LNPK: variants seen among roughly 807,000 people sequenced by gnomAD.
LNPK encodes lunapark, ER junction formation factor.
In LNPK, 29 loss-of-function variants were observed where a neutral mutation model predicts 55.2. The ratio of observed to expected loss-of-function variants is 0.53; its 90% CI spans 0.39 to 0.72. LNPK has a LOEUF of 0.72. LNPK is among the 30% of genes least tolerant of loss of function. The pLI is 0.00. For missense variants in LNPK, 467 were observed against 494.8 expected, an observed-to-expected ratio of 0.94 and a Z score of 0.53; for synonymous variants, 162 against 168.2, an observed-to-expected ratio of 0.96 and a Z score of 0.29.
At chr2:175,984,128 A>G (rs1687300570) in intron 4 of LNPK, among the ~76,000 whole-genome samples, 1 of 152,064 alleles carries the variant, frequency 6.6e-6, no homozygotes, top group Non-Finnish European at 1.5e-5. Context: ...AGACAAGACA[A>G]TCTAAAGATT....
intron 11 of LNPK, 72 bp downstream of exon 11, chr2:175,938,241 T>C: frequency 1.1e-6 from 1 of 918,474 alleles, no homozygotes; most frequent in Admixed American, 2.0e-5. Context: ...AAAATGACAC[T>C]GCATAGAAAA....
chr2:176,001,325 G>A (rs1335625032), intron 1 of LNPK, among the ~76,000 whole-genome samples: 1 of 152,134 alleles, frequency 6.6e-6, no homozygotes, highest in Non-Finnish European at 1.5e-5. Context: ...GGAGGAAACA[G>A]TAGACACCGA....
At chr2:175,939,141 A>G (rs1489087263) in intron 10 of LNPK, among the ~76,000 whole-genome samples, 1 of 152,124 alleles carries the variant, frequency 6.6e-6, no homozygotes. Context: ...TTATTTTAAG[A>G]ATAATTGGAA....
At chr2:175,958,362 A>T (rs983582621) in intron 8 of LNPK, among the ~76,000 whole-genome samples, 4 of 152,226 alleles carry the variant, frequency 2.6e-5, no homozygotes, top group Non-Finnish European at 5.9e-5. Flanking sequence ...CGAAGCGTCC[A>T]CAGGAAGGAT....
intron 9 of LNPK, among the ~76,000 whole-genome samples, chr2:175,944,906 G>A (rs935431167): frequency 5.3e-5 from 8 of 151,842 alleles, no homozygotes; most frequent in African/African-American, 1.7e-4. Flanking sequence ...TCTAGACCAA[G>A]TTCTTAGTAT....
chr2:175,995,461 C>T lies in LNPK; in HGVS notation c.27+97G>A, dbSNP rs993157623. 6 of 810,130 alleles carry T rather than the reference C, an allele frequency of 7.4e-6. No homozygotes were observed. In the African/African-American group the frequency reaches 8.9e-5, roughly 12 times the overall value. The allele number at this position is 810,130 out of a possible 1,614,324, so 50.2% of individuals were successfully genotyped here. A position where few individuals can be genotyped will look rare whatever the true frequency, so the allele number is the denominator to read the frequency against. ...AAAAGTTAAGGAAAATAGCAAACTA[C>T]TATTCAAGGCTATAATCAAAGGAGA... is the stretch of plus-strand genomic sequence containing the variant. On this transcript the variant is annotated intron_variant, in intron 2 of 12. Transcript: ENST00000272748.
At chr2:175,966,340 A>G (rs1021062607) in intron 6 of LNPK, among the ~76,000 whole-genome samples, 1 of 152,232 alleles carries the variant, frequency 6.6e-6, no homozygotes, top group African/African-American at 2.4e-5. Context: ...CTGGGATTAC[A>G]GGTGTGAGCC....
chr2:175,954,385 A>G (rs1289677468), intron 8 of LNPK, among the ~76,000 whole-genome samples: 1 of 152,200 alleles, frequency 6.6e-6, no homozygotes, highest in African/African-American at 2.4e-5. Context: ...TCCATTCTGT[A>G]AATATGTTAC....
chr2:175,956,522 G>A (rs768655913), intron 8 of LNPK, among the ~76,000 whole-genome samples: 1 of 152,106 alleles, frequency 6.6e-6, no homozygotes, highest in Non-Finnish European at 1.5e-5. Flanking sequence ...TTTTTGGAAA[G>A]AGCCACATAA....
At chr2:176,000,461 T>C (rs1225473711) in intron 1 of LNPK, among the ~76,000 whole-genome samples, 1 of 152,260 alleles carries the variant, frequency 6.6e-6, no homozygotes, top group African/African-American at 2.4e-5. Context: ...TGTATTTATA[T>C]GAAACACATT....
intron 12 of LNPK, chr2:175,935,705 T>A (rs902361461): frequency 1.9e-4 from 173 of 892,570 alleles, no homozygotes; most frequent in Non-Finnish European, 2.3e-4. Flanking sequence ...GTAATAACAT[T>A]ACCTTATTGG....
intron 4 of LNPK, 139 bp downstream of exon 4, chr2:175,992,091 CT>C: frequency 1.8e-6 from 1 of 556,160 alleles, no homozygotes; most frequent in Non-Finnish European, 3.0e-6. Flanking sequence ...CTAAAAAAAT[CT>C]TTTCAAATTG....
intron 12 of LNPK, among the ~76,000 whole-genome samples, chr2:175,934,908 G>A (rs2105521234): frequency 6.6e-6 from 1 of 152,104 alleles, no homozygotes; most frequent in East Asian, 1.9e-4. Flanking sequence ...ATTAATGAGA[G>A]AAATTTCTTC....
At chr2:175,961,650 G>A (rs1686036273) in intron 8 of LNPK, among the ~76,000 whole-genome samples, 4 of 152,186 alleles carry the variant, frequency 2.6e-5, no homozygotes, top group Admixed American at 1.3e-4. Flanking sequence ...CACAAGGCAG[G>A]GATGCCCTCT....
intron 6 of LNPK, chr2:175,967,786 TTC>T: frequency 5.2e-6 from 5 of 969,860 alleles, no homozygotes; most frequent in Non-Finnish European, 6.1e-6. Flanking sequence ...TTTGCATTTC[TTC>T]TGTTATTGTG....
At position 175,924,234 on chromosome 2, in the gene LNPK, C is replaced by T. The variant is rs1683910574; in HGVS notation, c.*5733G>A. The T allele has an allele frequency of 6.6e-6, 1 of 152,108 alleles. No individual in the cohort carries two copies. The highest frequency in any genetic ancestry group is 1.5e-5 in the Non-Finnish European group (1 of 68,020). 9.4% of individuals were successfully genotyped at this position (152,108 alleles called of 1,614,324 possible). Reference sequence around the variant, plus strand: ...TAGTAACTTAATACAGTATATTCTCCCAATTTTCTAGAGTAGCTAGTCTCC... The same window carrying T: ...TAGTAACTTAATACAGTATATTCTCTCAATTTTCTAGAGTAGCTAGTCTCC... On this transcript the variant is annotated 3_prime_UTR_variant, in exon 13 of 13. Coordinates refer to ENST00000272748, the MANE Select transcript of LNPK (RefSeq NM_030650.3).
At chr2:175,942,060 C>T (rs1684876285) in intron 9 of LNPK, among the ~76,000 whole-genome samples, 1 of 151,406 alleles carries the variant, frequency 6.6e-6, no homozygotes, top group Admixed American at 6.6e-5. Context: ...ACTAGAAGAA[C>T]AATACAAGAA....
chr2:175,958,942 C>T (rs970594313), intron 8 of LNPK, among the ~76,000 whole-genome samples: 7 of 151,922 alleles, frequency 4.6e-5, no homozygotes, highest in African/African-American at 7.3e-5. Context: ...CTTCAGTAGC[C>T]GATTTCATCA....
rs1354990508 is a variant in LNPK at position 176,001,964 on chromosome 2, G to A, written c.-63+196C>T. Among the ~76,000 whole-genome samples the A allele has an allele frequency of 2.0e-5, 3 of 152,376 alleles. No individual in the cohort carries two copies. In the East Asian group the frequency reaches 5.8e-4, roughly 29 times the overall value. On this transcript the variant is annotated intron_variant, in intron 1 of 12. Coordinates refer to ENST00000272748, the MANE Select transcript of LNPK (RefSeq NM_030650.3). ...GTGTGCTGGGAAATCCAGGGAACAA[G>A]GCGGCGAGCCTGGGTCTGCGCGGAC...
Sources: gnomAD v4.1 joint callset for allele counts (sites outside exome capture counted in the v4.1 genomes callset) on GRCh38, gnomAD v4.1.1 for gene constraint, MANE v1.5 for transcripts, NCBI Gene and HGNC (gene_info 2026-07-23, HGNC 2026-07-21) for gene names.